Variants in FOXJ3 observed in about 807,000 individuals in gnomAD.
The protein encoded by FOXJ3 is forkhead box J3.
Under a neutral mutation model 76.1 loss-of-function variants are expected in FOXJ3, and 22 were observed. That is an observed-to-expected ratio of 0.29 (90% confidence interval 0.21 to 0.41). The LOEUF is 0.41. Among genes scored for constraint, FOXJ3 ranks in the 10% least tolerant of loss-of-function variants. FOXJ3 has a pLI of 1.00. For missense variants in FOXJ3, 613 were observed against 762.1 expected (o/e 0.80, Z 2.30); for synonymous variants, 269 against 261.2 (o/e 1.03, Z -0.29).
rs1157048776 is a variant in FOXJ3 at position 42,179,166 on chromosome 1, C to G, written c.*544G>C. 6.6e-6 allele frequency: 1 copy of G among 152,494 alleles called. No individual in the cohort carries two copies. The highest frequency in any genetic ancestry group is 1.5e-5 in the Non-Finnish European group (1 of 68,028). 9.4% of individuals were successfully genotyped at this position (152,494 alleles called of 1,614,324 possible). ...TAGATAGAATTCATTACCCACATTT[C>G]TAAAAAAGATTAAATAAGGGGAACT... On this transcript the variant is annotated 3_prime_UTR_variant, in exon 13 of 13. Transcript: ENST00000361346.
chr1:42,202,966 C>A (rs997054662), intron 6 of FOXJ3, among the ~76,000 whole-genome samples: 5 of 152,206 alleles, frequency 3.3e-5, no homozygotes, highest in African/African-American at 9.6e-5. Context: ...TCCTCCTGCA[C>A]ACTAAAAACA....
intron 9 of FOXJ3, chr1:42,189,611 G>C (rs1439142808): frequency 4.4e-6 from 2 of 456,928 alleles, no homozygotes; most frequent in African/African-American, 4.0e-5. Context: ...ACAAATAAAA[G>C]AAACTGAACC....
chr1:42,214,799 A>G (rs981875056), intron 5 of FOXJ3, among the ~76,000 whole-genome samples: 11 of 152,340 alleles, frequency 7.2e-5, no homozygotes, highest in African/African-American at 2.6e-4. Flanking sequence ...ACCAGAGAGA[A>G]AAGGCAATCC....
At position 42,192,478 on chromosome 1, in the gene FOXJ3, C is replaced by T. The variant is rs367566767; in HGVS notation, c.935-759G>A. Among the ~76,000 whole-genome samples, 18 of 152,298 alleles carry T rather than the reference C, an allele frequency of 1.2e-4. No individual in the cohort carries two copies. In the East Asian group the frequency reaches 3.1e-3, roughly 26 times the overall value. On this transcript the variant is annotated intron_variant, in intron 8 of 12. Transcript: ENST00000361346. ...TTTTAAAAGAAACTATTATTTCTAA[C>T]ACTTATGATTTACTCTTTAACAAGA...
intron 5 of FOXJ3, among the ~76,000 whole-genome samples, chr1:42,222,390 T>G (rs1254795747): frequency 6.6e-6 from 1 of 152,218 alleles, no homozygotes; most frequent in African/African-American, 2.4e-5. Flanking sequence ...TAATTTATCA[T>G]CCACAAGCTA....
chr1:42,322,617 T>G (rs1655498396), intron 1 of FOXJ3, among the ~76,000 whole-genome samples: 2 of 152,050 alleles, frequency 1.3e-5, no homozygotes, highest in Non-Finnish European at 1.5e-5. Flanking sequence ...AATGGATAAT[T>G]AATTTTTTTC....
chr1:42,320,669 G>C (rs1434286054), intron 1 of FOXJ3, among the ~76,000 whole-genome samples: 2 of 152,106 alleles, frequency 1.3e-5, no homozygotes, highest in African/African-American at 4.8e-5. Flanking sequence ...TATGAAATTA[G>C]ATCACATTAT....
At chr1:42,299,111 ATGTTCTAT>A (rs1235123492) in intron 2 of FOXJ3, among the ~76,000 whole-genome samples, 1 of 152,218 alleles carries the variant, frequency 6.6e-6, no homozygotes, top group Non-Finnish European at 1.5e-5. Context: ...AGATTAATGT[ATGTTCTAT>A]AAATGTCTAT....
chr1:42,218,755 A>C (rs1014834060), intron 5 of FOXJ3, among the ~76,000 whole-genome samples: 3 of 152,196 alleles, frequency 2.0e-5, no homozygotes, highest in African/African-American at 7.2e-5. Flanking sequence ...GATTGTCTTT[A>C]AAATGGCTTA....
chr1:42,240,138 T>A lies in FOXJ3; in HGVS notation c.445-12172A>T, dbSNP rs139969033. On this transcript the variant is annotated intron_variant, in intron 4 of 12. Transcript: ENST00000361346. ...GAGGAGGGAATACTTTGATATATAT[T>A]TTGCTTAACACTCAATATACTATTT... 1.4e-4 allele frequency among the ~76,000 whole-genome samples: 22 copies of A among 152,322 alleles called. No individual in the cohort carries two copies. The East Asian group carries it at 3.5e-3, about 24-fold the overall frequency.
chr1:42,222,127 T>C (rs1385862381), intron 5 of FOXJ3, among the ~76,000 whole-genome samples: 1 of 143,778 alleles, frequency 7.0e-6, no homozygotes, highest in Non-Finnish European at 1.5e-5. Context: ...AGTTGAAAAA[T>C]AAGGAATTAC....
chr1:42,178,475 T>A lies in FOXJ3; in HGVS notation c.*1235A>T, dbSNP rs1646255492. ...AATGTCTCTCTGAGTGTCTTATCTG[T>A]AAATTCTTATCAAGAAAAGTAACGC... On this transcript the variant is annotated 3_prime_UTR_variant, in exon 13 of 13. Transcript: ENST00000361346. 6.6e-6 allele frequency: 1 copy of A among 152,240 alleles called. No individual in the cohort carries two copies. The highest frequency in any genetic ancestry group is 1.5e-5 in the Non-Finnish European group (1 of 68,040). The allele number at this position is 152,240 out of a possible 1,614,324, so 9.4% of individuals were successfully genotyped here.
At chr1:42,308,793 C>A (rs1377725824) in intron 2 of FOXJ3, among the ~76,000 whole-genome samples, 2 of 152,152 alleles carry the variant, frequency 1.3e-5, no homozygotes, top group Admixed American at 1.3e-4. Flanking sequence ...TCTCTTTCAT[C>A]AAACAAAAGT....
At chr1:42,205,618 T>C in intron 6 of FOXJ3, 144 bp downstream of exon 6, 1 of 604,534 alleles carries the variant, frequency 1.7e-6, no homozygotes, top group Non-Finnish European at 3.0e-6. Context: ...ACATTCTGAA[T>C]TTAGCCTTCA....
At chr1:42,291,075 T>TAGACAGACAGACAGAC (rs202052653) in intron 2 of FOXJ3, among the ~76,000 whole-genome samples, 3,515 of 117,392 alleles carry the variant, frequency 0.03, 90 homozygotes, top group Non-Finnish European at 0.041. Flanking sequence ...GATAGATAGA[T>TAGACAGACAGACAGAC]AGATAGATAG....
intron 1 of FOXJ3, chr1:42,334,104 A>G: frequency 2.1e-6 from 2 of 966,564 alleles, no homozygotes; most frequent in East Asian, 1.1e-4. Flanking sequence ...CAGACACACA[A>G]AAAGTAAAAC....
At chr1:42,253,948 C>A (rs1465548035) in intron 4 of FOXJ3, among the ~76,000 whole-genome samples, 9 of 150,982 alleles carry the variant, frequency 6.0e-5, no homozygotes, top group Non-Finnish European at 1.3e-4. Context: ...GCAACAAAAG[C>A]CAAAATTGAC....
chr1:42,195,754 C>T (rs924326970), intron 7 of FOXJ3, among the ~76,000 whole-genome samples: 13 of 152,150 alleles, frequency 8.5e-5, no homozygotes, highest in Non-Finnish European at 1.5e-5. Flanking sequence ...AAAAATAATG[C>T]TCATAAGGAG....
At chr1:42,235,030 T>C (rs1648489443) in intron 4 of FOXJ3, among the ~76,000 whole-genome samples, 1 of 152,198 alleles carries the variant, frequency 6.6e-6, no homozygotes, top group African/African-American at 2.4e-5. Context: ...GCAGGCCTCC[T>C]TGAGCTGTGG....
Sources: gnomAD v4.1 joint callset for allele counts (sites outside exome capture counted in the v4.1 genomes callset) on GRCh38, gnomAD v4.1.1 for gene constraint, MANE v1.5 for transcripts, NCBI Gene and HGNC (gene_info 2026-07-23, HGNC 2026-07-21) for gene names.